NPM1: variants seen among roughly 807,000 people sequenced by gnomAD.
NPM1 encodes nucleophosmin 1.
Under a neutral mutation model 44.1 loss-of-function variants are expected in NPM1, and 1 was observed. That is an observed-to-expected ratio of 0.02 (90% CI 0.01 to 0.11). The LOEUF is 0.11. NPM1 is among the 10% of genes least tolerant of loss of function. The pLI, the probability that NPM1 is intolerant of heterozygous loss-of-function variation, is 1.00. For synonymous variants in NPM1, 126 were observed against 111.8 expected, an observed-to-expected ratio of 1.13 and a Z score of -0.80; for missense variants, 197 against 347.8, an observed-to-expected ratio of 0.57 and a Z score of 3.45.
chr5:171,408,874 GTGA>G (rs1309459832), intron 10 of NPM1, among the ~76,000 whole-genome samples: 9 of 152,182 alleles, frequency 5.9e-5, no homozygotes, highest in Admixed American at 3.9e-4. Flanking sequence ...GCCAAGGAAA[GTGA>G]TGATAAATTT....
At chr5:171,398,423 A>G (rs1438330407) in intron 6 of NPM1, among the ~76,000 whole-genome samples, 1 of 152,188 alleles carries the variant, frequency 6.6e-6, no homozygotes, top group African/African-American at 2.4e-5. Flanking sequence ...CAGTTGCCCC[A>G]ACATGATTTG....
chr5:171,407,416 A>G (rs529000608), intron 9 of NPM1: 61 of 389,260 alleles, frequency 1.6e-4, no homozygotes, highest in African/African-American at 1.1e-3. Context: ...CCGAGTTGCC[A>G]TGTTTGTTTG....
chr5:171,394,404 C>A (rs532124958), intron 6 of NPM1, among the ~76,000 whole-genome samples: 30 of 152,056 alleles, frequency 2.0e-4, no homozygotes, highest in Non-Finnish European at 3.7e-4. Context: ...AAACTCCTAA[C>A]CTCGGGCGAT....
chr5:171,391,964 GA>G (rs200103231), intron 4 of NPM1, among the ~76,000 whole-genome samples, 165 bp downstream of exon 4: 17 of 147,114 alleles, frequency 1.2e-4, no homozygotes, highest in African/African-American at 3.1e-4. Context: ...GGGCGGGGGG[GA>G]GAGGAAATCT....
At chr5:171,391,256 A>G (rs1174397264) in intron 2 of NPM1, 49 bp from the exon 3 acceptor site, 1 of 1,596,746 alleles carries the variant, frequency 6.3e-7, no homozygotes, top group South Asian at 1.1e-5. Flanking sequence ...GGGGGGTGTA[A>G]AATAGGTGGA....
rs138784682 is a variant in NPM1 at position 171,391,501 on chromosome 5, G to T, written c.258+77G>T. The T allele has an allele frequency of 2.4e-4, 370 of 1,552,604 alleles. 3 individuals are homozygous for T. The highest frequency in any genetic ancestry group is 1.4e-3 in the Middle Eastern group (8 of 5,846). Reference sequence around the variant, plus strand: ...AAGGTAGGTTTGGTGTCATTTAGTTGTGCCAAGGAGATAGAAAGTGGTTCT... The same window carrying T: ...AAGGTAGGTTTGGTGTCATTTAGTTTTGCCAAGGAGATAGAAAGTGGTTCT... On this transcript the variant is annotated intron_variant, in intron 3 of 10. Transcript: ENST00000296930.
chr5:171,396,616 AC>A (rs1770899656), intron 6 of NPM1, among the ~76,000 whole-genome samples: 2 of 152,310 alleles, frequency 1.3e-5, no homozygotes, highest in South Asian at 4.1e-4. Context: ...GTTGAATTAA[AC>A]GTGAACCCCT....
chr5:171,407,590 AAG>A (rs1771639408), intron 9 of NPM1, 108 bp from the exon 10 acceptor site: 11 of 711,486 alleles, frequency 1.5e-5, no homozygotes, highest in Non-Finnish European at 2.4e-5. Context: ...TGAAGGGAAA[AAG>A]AATAAACTGA....
intron 9 of NPM1, 164 bp downstream of exon 9, chr5:171,405,567 A>G: frequency 1.6e-6 from 1 of 626,292 alleles, no homozygotes; most frequent in South Asian, 1.8e-5. Flanking sequence ...AACATTTATA[A>G]TCGTGTCTGT....
At chr5:171,402,968 A>ATTTTTTTTTTTTT (rs1771299295) in intron 8 of NPM1, among the ~76,000 whole-genome samples, 1 of 47,226 alleles carries the variant, frequency 2.1e-5, no homozygotes, top group African/African-American at 8.8e-5. Context: ...TTTTTTTTTC[A>ATTTTTTTTTTTTT]TTTTATTTAT....
In NPM1 at chr5:171,395,330, G is replaced by A. The variant is rs141466913; in HGVS notation, c.524+2352G>A. 9.9e-5 allele frequency among the ~76,000 whole-genome samples: 15 copies of A among 150,800 alleles called. No homozygotes were observed. In the East Asian group the frequency reaches 2.7e-3, roughly 27 times the overall value. On this transcript the variant is annotated intron_variant, in intron 6 of 10. Coordinates refer to ENST00000296930, the MANE Select transcript of NPM1 (RefSeq NM_002520.7). ...GATTTTTTTTTTTTCGGCAAGTCTC[G>A]CTCTTGTGCCCCAGGCTGGTGTGCA...
intron 3 of NPM1, 87 bp downstream of exon 3, chr5:171,391,511 G>C (rs1770577304): frequency 2.0e-6 from 3 of 1,524,112 alleles, no homozygotes; most frequent in Middle Eastern, 1.7e-4. Flanking sequence ...GTGCCAAGGA[G>C]ATAGAAAGTG....
intron 2 of NPM1, chr5:171,390,977 C>T (rs545602029): frequency 5.8e-6 from 1 of 173,582 alleles, no homozygotes; most frequent in African/African-American, 2.4e-5. Flanking sequence ...CCGCCTCAGC[C>T]TCCCTAAGTG....
intron 2 of NPM1, 29 bp from the exon 3 acceptor site, chr5:171,391,276 T>G (rs2113167220): frequency 6.2e-7 from 1 of 1,603,008 alleles, no homozygotes; most frequent in Non-Finnish European, 8.5e-7. Flanking sequence ...AACTCAAAAG[T>G]TGAAGTAGTA....
At chr5:171,405,453 G>A (rs778239639) in intron 9 of NPM1, 50 bp downstream of exon 9, 30 of 810,654 alleles carry the variant, frequency 3.7e-5, no homozygotes, top group East Asian at 3.1e-4. Flanking sequence ...CAAATTGCAC[G>A]TGTCTGGTTT....
At chr5:171,404,718 A>C (rs1771469572) in intron 8 of NPM1, among the ~76,000 whole-genome samples, 2 of 143,676 alleles carry the variant, frequency 1.4e-5, no homozygotes, top group Admixed American at 1.4e-4. Flanking sequence ...GACACTCCTC[A>C]CTTCCCAGAC....
intron 3 of NPM1, 47 bp from the exon 4 acceptor site, chr5:171,391,656 ATTG>A (rs770257005): frequency 2.3e-6 from 3 of 1,311,556 alleles, no homozygotes; most frequent in African/African-American, 2.9e-5. Context: ...TGTAATGTTT[ATTG>A]TTCATTTTCT....
chr5:171,404,236 C>CT (rs1771436547), intron 8 of NPM1, among the ~76,000 whole-genome samples: 1 of 99,428 alleles, frequency 1.0e-5, no homozygotes, highest in African/African-American at 4.0e-5. Context: ...GGGGGGTTGA[C>CT]CCCCCCCCAC....
intron 1 of NPM1, among the ~76,000 whole-genome samples, chr5:171,388,561 C>T (rs1433053739): frequency 7.5e-6 from 1 of 133,278 alleles, no homozygotes; most frequent in Non-Finnish European, 1.6e-5. Context: ...GAGGAGGCCG[C>T]AACCGCTGGG....
Sources: allele counts gnomAD v4.1 joint callset (sites outside exome capture counted in the v4.1 genomes callset), GRCh38; gene constraint gnomAD v4.1.1; transcripts MANE v1.5; gene names NCBI Gene and HGNC (gene_info 2026-07-23, HGNC 2026-07-21).